The following SUGCT variants were observed in gnomAD, a reference collection of about 807,000 sequenced individuals.
SUGCT encodes the protein succinyl-CoA:glutarate-CoA transferase.
Under a neutral mutation model 55.0 loss-of-function variants are expected in SUGCT, and 41 were observed. The observed-to-expected ratio is 0.74, with a 90% confidence interval of 0.58 to 0.97. SUGCT has a LOEUF of 0.97. Among genes scored for constraint, SUGCT ranks in the 50% least tolerant of loss-of-function variants. SUGCT has a pLI of 0.00. For missense variants in SUGCT, 568 were observed against 547.8 expected, an observed-to-expected ratio of 1.04 and a Z score of -0.37; for synonymous variants, 187 against 200.4, an observed-to-expected ratio of 0.93 and a Z score of 0.56.
intron 12 of SUGCT, among the ~76,000 whole-genome samples, chr7:40,671,196 C>T (rs1037333510): frequency 2.0e-5 from 3 of 152,132 alleles, no homozygotes; most frequent in Non-Finnish European, 4.4e-5. Flanking sequence ...GTCTTTCAAT[C>T]TGTGGGACAC....
intron 9 of SUGCT, among the ~76,000 whole-genome samples, chr7:40,364,547 A>T (rs1180551152): frequency 6.6e-6 from 1 of 152,080 alleles, no homozygotes; most frequent in African/African-American, 2.4e-5. Flanking sequence ...TTGTCTGTAA[A>T]GTATTTTATT....
intron 12 of SUGCT, among the ~76,000 whole-genome samples, chr7:40,665,760 G>A (rs1267986097): frequency 6.6e-6 from 1 of 152,088 alleles, no homozygotes; most frequent in African/African-American, 2.4e-5. Context: ...TCTTTTAAGA[G>A]TCTAGGTAGG....
At chr7:40,403,234 A>C (rs946781033) in intron 9 of SUGCT, among the ~76,000 whole-genome samples, 1 of 152,190 alleles carries the variant, frequency 6.6e-6, no homozygotes, top group Non-Finnish European at 1.5e-5. Flanking sequence ...TTTGTTGCTT[A>C]CATGGCACAA....
intron 12 of SUGCT, among the ~76,000 whole-genome samples, chr7:40,660,827 T>C (rs1467200144): frequency 6.6e-6 from 1 of 152,222 alleles, no homozygotes; most frequent in African/African-American, 2.4e-5. Flanking sequence ...AATCTACAGC[T>C]GTACCTGTTT....
chr7:40,840,651 A>AG (rs1793229992), intron 13 of SUGCT, among the ~76,000 whole-genome samples: 1 of 152,088 alleles, frequency 6.6e-6, no homozygotes, highest in African/African-American at 2.4e-5. Flanking sequence ...TCAAGAAACT[A>AG]GGGGGAAAAA....
At chr7:40,376,533 A>T (rs1784554315) in intron 9 of SUGCT, among the ~76,000 whole-genome samples, 1 of 151,996 alleles carries the variant, frequency 6.6e-6, no homozygotes, top group African/African-American at 2.4e-5. Flanking sequence ...CTGGGACTAC[A>T]GGTGTGCACC....
intron 12 of SUGCT, among the ~76,000 whole-genome samples, chr7:40,582,467 A>AT (rs1243987721): frequency 6.6e-6 from 1 of 152,202 alleles, no homozygotes; most frequent in East Asian, 1.9e-4. Context: ...TGAGTTGAAT[A>AT]TTTTTCATTA....
At chr7:40,929,066 AATGC>A in the SUGCT span, among the ~76,000 whole-genome samples, 1 of 151,874 alleles carries the variant, frequency 6.6e-6, no homozygotes, top group Admixed American at 6.6e-5. Flanking sequence ...TATTTCTCTT[AATGC>A]TATCCTTCCC....
rs554238476 is a variant in SUGCT at position 40,779,459 on chromosome 7, G to T, written c.1153+29962G>T. 1.1e-4 allele frequency among the ~76,000 whole-genome samples: 17 copies of T among 152,210 alleles called. No individual in the cohort carries two copies. In the South Asian group the frequency reaches 3.1e-3, roughly 28 times the overall value. On this transcript the variant is annotated intron_variant, in intron 13 of 13. Coordinates refer to ENST00000335693, the MANE Select transcript of SUGCT (RefSeq NM_001193313.2). ...AAACACTTTTGTCTCCTACTTGGAG[G>T]CTTAACAAGATTTTGATGCGGGGTC...
intron 9 of SUGCT, among the ~76,000 whole-genome samples, chr7:40,399,107 C>T (rs1301178508): frequency 6.6e-6 from 1 of 152,042 alleles, no homozygotes; most frequent in East Asian, 1.9e-4. Flanking sequence ...AAGAGGTTTG[C>T]AAAGGACTGA....
intron 7 of SUGCT, among the ~76,000 whole-genome samples, chr7:40,240,987 G>T (rs1025091841): frequency 6.6e-6 from 1 of 152,228 alleles, no homozygotes; most frequent in Admixed American, 6.5e-5. Context: ...AAGAAGGGCA[G>T]TGTCACTGGA....
chr7:40,747,678 G>A (rs1327053886), intron 12 of SUGCT, among the ~76,000 whole-genome samples: 1 of 152,194 alleles, frequency 6.6e-6, no homozygotes, highest in Non-Finnish European at 1.5e-5. Flanking sequence ...GGTAGATAGT[G>A]TAGGTGAAAC....
At chr7:40,478,065 T>C (rs1790804562) in intron 11 of SUGCT, among the ~76,000 whole-genome samples, 1 of 152,170 alleles carries the variant, frequency 6.6e-6, no homozygotes, top group Admixed American at 6.5e-5. Context: ...CAGTCATAGC[T>C]CACTGCAGCC....
At chr7:40,695,253 A>C (rs1437930063) in intron 12 of SUGCT, among the ~76,000 whole-genome samples, 1 of 150,802 alleles carries the variant, frequency 6.6e-6, no homozygotes, top group Non-Finnish European at 1.5e-5. Context: ...GCTGGAGTGC[A>C]GTGGTGCGAT....
chr7:40,350,406 C>G (rs1319128581), intron 9 of SUGCT, among the ~76,000 whole-genome samples: 1 of 151,342 alleles, frequency 6.6e-6, no homozygotes, highest in East Asian at 1.9e-4. Context: ...CTCTGCCTCC[C>G]AGGTTCAAGC....
In SUGCT at chr7:40,273,581, A is replaced by G. The variant is rs73318557; in HGVS notation, c.577-932A>G. ...TGTCAAGTACTGTTCTAACATCTTT[A>G]CATATGGGCCAAGGATTGGATTGTC... On this transcript the variant is annotated intron_variant, in intron 7 of 13. Transcript: ENST00000335693. Among the ~76,000 whole-genome samples, 942 of 152,326 alleles carry G rather than the reference A, an allele frequency of 6.2e-3. 7 individuals are homozygous for G. Among genetic ancestry groups the G allele is most frequent in the African/African-American group, 0.021 (889 of 41,568 alleles).
At chr7:40,566,679 T>A (rs1796172359) in intron 12 of SUGCT, among the ~76,000 whole-genome samples, 1 of 152,200 alleles carries the variant, frequency 6.6e-6, no homozygotes, top group East Asian at 1.9e-4. Flanking sequence ...TTGCTTATAT[T>A]TTAAGGTTTG....
chr7:40,589,636 G>C (rs1386377220), intron 12 of SUGCT, among the ~76,000 whole-genome samples: 3 of 152,128 alleles, frequency 2.0e-5, no homozygotes, highest in Non-Finnish European at 4.4e-5. Context: ...CATTAATTTT[G>C]GGGAACACAT....
intron 12 of SUGCT, among the ~76,000 whole-genome samples, chr7:40,624,802 C>CACACACACAA (rs1371318921): frequency 1.9e-4 from 28 of 147,460 alleles, no homozygotes; most frequent in African/African-American, 6.8e-4. Flanking sequence ...CACACACACA[C>CACACACACAA]ACACACACAC....
Sources: allele counts gnomAD v4.1 joint callset (sites outside exome capture counted in the v4.1 genomes callset), GRCh38; gene constraint gnomAD v4.1.1; transcripts MANE v1.5; gene names NCBI Gene and HGNC (gene_info 2026-07-23, HGNC 2026-07-21).